FBXW12: variants seen among roughly 807,000 people sequenced by gnomAD.
FBXW12 encodes F-box/WD repeat-containing protein 12.
FBXW12 carries 43 observed loss-of-function variants against 55.3 expected under a neutral mutation model. That is an observed-to-expected ratio of 0.78 (90% CI 0.61 to 1.00). The LOEUF (loss-of-function observed/expected upper bound fraction) is 1.00. FBXW12 is among the 50% of genes least tolerant of loss of function. FBXW12 has a pLI of 0.00. For synonymous variants in FBXW12, 184 were observed against 203.8 expected (o/e 0.90, Z 0.83); for missense variants, 524 against 560.5 (o/e 0.93, Z 0.66).
Position 48,378,230 on chromosome 3 carries a change from G to T in FBXW12, c.406-87G>T, listed in dbSNP as rs538070309. The T allele has an allele frequency of 2.4e-5, 24 of 988,420 alleles. No individual in the cohort carries two copies. In the South Asian group the frequency reaches 3.4e-4, roughly 14 times the overall value. The allele number at this position is 988,420 out of a possible 1,614,324, so 61.2% of individuals were successfully genotyped here. ...AGAAGCAAGAAGATCTGATTTGGAAGAGGCTTCCAAATAAACATGGGCAGA... is the reference window on the plus strand; with the variant it reads ...AGAAGCAAGAAGATCTGATTTGGAATAGGCTTCCAAATAAACATGGGCAGA... On this transcript the variant is annotated intron_variant, in intron 5 of 10. Transcript: ENST00000296438.
intron 10 of FBXW12, among the ~76,000 whole-genome samples, chr3:48,390,354 A>G (rs896967050): frequency 2.0e-5 from 3 of 147,356 alleles, no homozygotes; most frequent in African/African-American, 7.6e-5. Context: ...CTTCTACTCT[A>G]TGAGCATGAA....
rs556125639 is a variant in FBXW12 at position 48,394,659 on chromosome 3, A to G, written c.1395A>G (p.Ter465=). 1.0e-5 allele frequency: 16 copies of G among 1,524,174 alleles called. No homozygotes were observed. In the Admixed American group the frequency reaches 1.8e-4, roughly 17 times the overall value. The allele number at this position is 1,524,174 out of a possible 1,614,324, so 94.4% of individuals were successfully genotyped here. A position where few individuals can be genotyped will look rare whatever the true frequency, so the allele number is the denominator to read the frequency against. The change falls in exon 11 of 11, where the codon TAA becomes TAG. Residue 465 remains the stop codon, a stop_retained_variant. Coordinates refer to ENST00000296438, the MANE Select transcript of FBXW12 (RefSeq NM_207102.2). The part of the protein sequence containing the change: ...SILVMYSLNT[*] The stretch of plus-strand genomic sequence containing the variant: ...TGGTGATGTATTCTTTGAATACGTA[A>G]TATGGAAACTAACAAAATTGACCTT...
chr3:48,391,608 A>G (rs539912978), intron 10 of FBXW12, among the ~76,000 whole-genome samples: 6 of 152,206 alleles, frequency 3.9e-5, no homozygotes, highest in African/African-American at 1.4e-4. Flanking sequence ...CCCATTCATT[A>G]TGACGTTGCC....
At position 48,381,960 on chromosome 3, in the gene FBXW12, T is replaced by C. The variant is rs754866781; in HGVS notation, c.1170T>C (p.Pro390=). The change falls in exon 10 of 11, where the codon CCT becomes CCC. Residue 390 remains proline, a synonymous_variant. Transcript: ENST00000296438. ...QAAINNFWVD[P]CYVLTTSENS... ...ACTCTGGCTATCCTTGGAAGGATCC[T>C]TGCTATGTGCTCACCACATCCGAGA... The C allele has an allele frequency of 1.2e-6, 2 of 1,614,166 alleles. No homozygotes were observed. The highest frequency in any genetic ancestry group is 1.7e-6 in the Non-Finnish European group (2 of 1,180,018).
At chr3:48,390,440 A>G (rs2036907518) in intron 10 of FBXW12, among the ~76,000 whole-genome samples, 1 of 107,064 alleles carries the variant, frequency 9.3e-6, no homozygotes, top group Admixed American at 1.3e-4. Context: ...TTTGAGGCAG[A>G]GTCTTACTCT....
At chr3:48,374,167 A>T (rs1339468525) in intron 4 of FBXW12, among the ~76,000 whole-genome samples, 1 of 151,940 alleles carries the variant, frequency 6.6e-6, no homozygotes, top group Non-Finnish European at 1.5e-5. Flanking sequence ...TCTATGAAAA[A>T]ATTTAAAAAA....
chr3:48,372,763 A>G lies in FBXW12; in HGVS notation c.-5A>G, dbSNP rs376602737. On this transcript the variant is annotated 5_prime_UTR_variant, in exon 2 of 11. The change abolishes an upstream ATG in the 5' untranslated region. Coordinates refer to ENST00000296438, the MANE Select transcript of FBXW12 (RefSeq NM_207102.2). Reference sequence around the variant, plus strand: ...GAAAGTGGATGTGGGTTCAGGCCGCATGAAATGGAGATCCGATTGCCTGAC... The same window carrying G: ...GAAAGTGGATGTGGGTTCAGGCCGCGTGAAATGGAGATCCGATTGCCTGAC... 4.2e-5 allele frequency: 67 copies of G among 1,614,104 alleles called. No individual in the cohort carries two copies. Among genetic ancestry groups the G allele is most frequent in the South Asian group, 5.5e-5 (5 of 91,094 alleles).
intron 4 of FBXW12, 23 bp downstream of exon 4, chr3:48,373,728 G>A: frequency 6.3e-7 from 1 of 1,597,790 alleles, no homozygotes; most frequent in South Asian, 1.1e-5. Flanking sequence ...GTGCCCTAGA[G>A]GAACATGAGC....
Position 48,372,281 on chromosome 3 carries a change from C to T in FBXW12, c.-124C>T. The T allele has an allele frequency of 1.3e-6, 2 of 1,552,202 alleles. No individual in the cohort carries two copies. The highest frequency in any genetic ancestry group is 1.7e-6 in the Non-Finnish European group (2 of 1,147,088). On this transcript the variant is annotated 5_prime_UTR_variant, in exon 1 of 11. Transcript: ENST00000296438. Reference sequence around the variant, plus strand: ...TAGAAACCCAGAGGCCATGCTGGCGCTGAGAGATGAGCCCCACTCACCAGA... The same window carrying T: ...TAGAAACCCAGAGGCCATGCTGGCGTTGAGAGATGAGCCCCACTCACCAGA...
intron 4 of FBXW12, among the ~76,000 whole-genome samples, chr3:48,373,929 A>C (rs2036642365): frequency 6.6e-6 from 1 of 152,150 alleles, no homozygotes; most frequent in African/African-American, 2.4e-5. Context: ...TTTTTTTCAC[A>C]ACATAAAATC....
Position 48,385,553 on chromosome 3 carries a change from C to T in FBXW12, c.1295+3468C>T, listed in dbSNP as rs750879288. Among the ~76,000 whole-genome samples the T allele has an allele frequency of 2.0e-5, 3 of 152,106 alleles. No individual in the cohort carries two copies. In the East Asian group the frequency reaches 5.8e-4, roughly 29 times the overall value. On this transcript the variant is annotated intron_variant, in intron 10 of 10. Coordinates refer to ENST00000296438, the MANE Select transcript of FBXW12 (RefSeq NM_207102.2). ...GGATGTATACCCAGGAGTGGGATTG[C>T]TGTATCATATGATAATCCTATTTTT...
intron 5 of FBXW12, 111 bp from the exon 6 acceptor site, chr3:48,378,206 G>C: frequency 4.9e-6 from 4 of 820,514 alleles, no homozygotes; most frequent in Non-Finnish European, 8.0e-6. Flanking sequence ...CCTCTGCCCA[G>C]AAGCAAGAAG....
At chr3:48,391,817 C>T (rs1354354409) in intron 10 of FBXW12, among the ~76,000 whole-genome samples, 1 of 152,098 alleles carries the variant, frequency 6.6e-6, no homozygotes, top group African/African-American at 2.4e-5. Context: ...TTGAACCAAC[C>T]TTGCTCCCAG....
At chr3:48,374,322 C>T (rs1276063056) in intron 4 of FBXW12, among the ~76,000 whole-genome samples, 1 of 140,358 alleles carries the variant, frequency 7.1e-6, no homozygotes, top group Non-Finnish European at 1.5e-5. Flanking sequence ...ACCACCACAA[C>T]CAGTTGATTT....
At chr3:48,374,539 G>A (rs573475285) in intron 4 of FBXW12, among the ~76,000 whole-genome samples, 4 of 152,174 alleles carry the variant, frequency 2.6e-5, no homozygotes, top group South Asian at 2.1e-4. Flanking sequence ...TATTAGCCAG[G>A]CTGGTCTTGA....
chr3:48,383,029 A>G (rs752870038), intron 10 of FBXW12, among the ~76,000 whole-genome samples: 58 of 152,240 alleles, frequency 3.8e-4, no homozygotes, highest in African/African-American at 8.0e-4. Flanking sequence ...TGTTTAAATT[A>G]CCATCGTATA....
chr3:48,389,009 T>C (rs2036883329), intron 10 of FBXW12, among the ~76,000 whole-genome samples: 1 of 152,190 alleles, frequency 6.6e-6, no homozygotes, highest in South Asian at 2.1e-4. Context: ...CTGTTCCCTG[T>C]CTAACCCCCT....
At chr3:48,392,986 C>CTTT (rs782102353) in intron 10 of FBXW12, among the ~76,000 whole-genome samples, 10 of 125,166 alleles carry the variant, frequency 8.0e-5, no homozygotes, top group African/African-American at 1.2e-4. Context: ...AAGGGGTACC[C>CTTT]TTTTTTTTTT....
At position 48,380,695 on chromosome 3, in the gene FBXW12, T is replaced by TG; in HGVS notation, c.775-7_775-6insG. The TG allele has an allele frequency of 6.2e-7, 1 of 1,609,232 alleles. No homozygotes were observed. Among genetic ancestry groups the TG allele is most frequent in the Non-Finnish European group, 8.5e-7 (1 of 1,175,516 alleles). ...GCCCCTGACCATGCATGCGATGCTC[T>TG]CTTTAGGTATTCCTCACAGAGTCCT... On this transcript the variant is annotated splice_region_variant and splice_polypyrimidine_tract_variant and intron_variant, in intron 7 of 10. Coordinates refer to ENST00000296438, the MANE Select transcript of FBXW12 (RefSeq NM_207102.2).
Sources: allele counts gnomAD v4.1 joint callset (sites outside exome capture counted in the v4.1 genomes callset), GRCh38; gene constraint gnomAD v4.1.1; transcripts MANE v1.5; gene names NCBI Gene and HGNC (gene_info 2026-07-23, HGNC 2026-07-21).